The following TCAIM variants were observed in gnomAD, a reference collection of about 807,000 sequenced individuals.
TCAIM encodes the protein T-cell activation inhibitor, mitochondrial.
In TCAIM, 36 loss-of-function variants were observed where a neutral mutation model predicts 58.6. The ratio of observed to expected loss-of-function variants is 0.61; its 90% CI spans 0.47 to 0.81. TCAIM has a LOEUF of 0.81. TCAIM is among the 30% of genes least tolerant of loss of function. The probability of loss-of-function intolerance (pLI) is 0.00; values close to 1 mark genes in which losing one functional copy is unlikely to be tolerated. For missense variants in TCAIM, 466 were observed against 579.6 expected (o/e 0.80, Z 2.01); for synonymous variants, 172 against 193.6 (o/e 0.89, Z 0.93).
rs920722034 is a variant in TCAIM at position 44,367,568 on chromosome 3, T to C, written c.432T>C (p.Asn144=). 1 of 1,614,016 alleles carries C rather than the reference T, an allele frequency of 6.2e-7. No homozygotes were observed. ...AACATATCCAAAGCTTGAATACTAA[T>C]ATGCATACCCAGCCTCTCAAAGAAG... ...SVEHIQSLNT[N]MHTQPLKEAK... is the part of the protein sequence containing the mutation. The change falls in exon 5 of 11, where the codon AAT becomes AAC. Residue 144 remains asparagine, a synonymous_variant. Transcript: ENST00000342649.
intron 3 of TCAIM, chr3:44,359,763 C>T (rs13575): frequency 0.47 from 72,151 of 152,028 alleles, 18,733 homozygotes; most frequent in East Asian, 0.81. Flanking sequence ...TTTTAATCTC[C>T]ATTCTTTTGT....
At chr3:44,401,121 C>T in intron 9 of TCAIM, 82 bp from the exon 10 acceptor site, 2 of 1,524,416 alleles carry the variant, frequency 1.3e-6, no homozygotes, top group Middle Eastern at 1.8e-4. Flanking sequence ...TTTTTATTTT[C>T]CTGAAGACTA....
At chr3:44,339,506 C>G (rs1305750763) in intron 1 of TCAIM, among the ~76,000 whole-genome samples, 1 of 152,164 alleles carries the variant, frequency 6.6e-6, no homozygotes, top group African/African-American at 2.4e-5. Flanking sequence ...AGGTATCTTT[C>G]CACCAAATTT....
chr3:44,369,509 T>C (rs750208205), intron 5 of TCAIM, among the ~76,000 whole-genome samples: 11 of 152,210 alleles, frequency 7.2e-5, no homozygotes, highest in Non-Finnish European at 1.6e-4. Context: ...GCAGCCATCA[T>C]GAAAAGAGTG....
chr3:44,346,277 C>A (rs957458925), intron 1 of TCAIM, among the ~76,000 whole-genome samples: 1 of 152,102 alleles, frequency 6.6e-6, no homozygotes, highest in African/African-American at 2.4e-5. Flanking sequence ...AAAGGCTGGT[C>A]CATTATCGGA....
chr3:44,342,981 A>T (rs1293106816), intron 1 of TCAIM, among the ~76,000 whole-genome samples: 1 of 152,032 alleles, frequency 6.6e-6, no homozygotes, highest in Non-Finnish European at 1.5e-5. Flanking sequence ...TACTAAAAAT[A>T]CAAAAATTCG....
upstream of TCAIM, chr3:44,338,415 G>C (rs1700764298): frequency 6.6e-6 from 1 of 152,344 alleles, no homozygotes; most frequent in African/African-American, 2.4e-5. Context: ...ACCGCGGAAG[G>C]TTGAATCCAC....
chr3:44,350,027 T>C (rs1701055079), intron 1 of TCAIM, among the ~76,000 whole-genome samples: 1 of 152,118 alleles, frequency 6.6e-6, no homozygotes, highest in Non-Finnish European at 1.5e-5. Flanking sequence ...TAGCACCAAA[T>C]GTCATGTGCG....
Position 44,357,840 on chromosome 3 carries a change from A to G in TCAIM, c.129A>G (p.Val43=), listed in dbSNP as rs1396602274. ...CCTTGAGGCCTTTCTATTTTGCAGT[A>G]CATCCAGATTTCTTTGGACAGCACC... ...VNALRPFYFA[V]HPDFFGQHPV... The change falls in exon 3 of 11, where the codon GTA becomes GTG. Residue 43 remains valine, a synonymous_variant. Coordinates refer to ENST00000342649, the MANE Select transcript of TCAIM (RefSeq NM_173826.4). 6.2e-7 allele frequency: 1 copy of G among 1,614,054 alleles called. No individual in the cohort carries two copies. The highest frequency in any genetic ancestry group is 1.3e-5 in the African/African-American group (1 of 74,944).
intron 1 of TCAIM, 80 bp from the exon 2 acceptor site, chr3:44,354,659 T>G: frequency 1.1e-6 from 1 of 910,754 alleles, no homozygotes; most frequent in Non-Finnish European, 1.7e-6. Flanking sequence ...TTTCATATTT[T>G]GGGGTGATAA....
At chr3:44,405,951 CAAA>C (rs10579882) in intron 10 of TCAIM, among the ~76,000 whole-genome samples, 173 of 112,990 alleles carry the variant, frequency 1.5e-3, no homozygotes, top group African/African-American at 5.1e-3. Flanking sequence ...GACTCCATCT[CAAA>C]AAAAAAAAAA....
intron 5 of TCAIM, among the ~76,000 whole-genome samples, chr3:44,379,928 A>G (rs947401973): frequency 1.4e-4 from 22 of 152,138 alleles, no homozygotes; most frequent in African/African-American, 4.3e-4. Context: ...ATCAGGAACA[A>G]TAACTATCAG....
chr3:44,407,819 TA>T lies in TCAIM; in HGVS notation c.*144del, dbSNP rs1310289395. 1 of 991,622 alleles carries T rather than the reference TA, an allele frequency of 1.0e-6. No homozygotes were observed. The highest frequency in any genetic ancestry group is 1.4e-6 in the Non-Finnish European group (1 of 717,622). The allele number at this position is 991,622 out of a possible 1,614,324, so 61.4% of individuals were successfully genotyped here. A position where few individuals can be genotyped will look rare whatever the true frequency, so the allele number is the denominator to read the frequency against. The stretch of plus-strand genomic sequence containing the variant: ...CTGCTGCTTTAAAAGTAGACTTTTT[TA>T]AAAAAATTAATTTCTGCTAGGAGAG... On this transcript the variant is annotated 3_prime_UTR_variant, in exon 11 of 11. Transcript: ENST00000342649.
chr3:44,385,543 C>T (rs1008208100), intron 5 of TCAIM, among the ~76,000 whole-genome samples: 7 of 151,484 alleles, frequency 4.6e-5, no homozygotes, highest in African/African-American at 9.7e-5. Context: ...AGATTGAGAC[C>T]GTCCTGGCTA....
intron 1 of TCAIM, among the ~76,000 whole-genome samples, chr3:44,348,573 G>T (rs1190927755): frequency 6.6e-6 from 1 of 152,128 alleles, no homozygotes; most frequent in Non-Finnish European, 1.5e-5. Context: ...TGTGGCTGGG[G>T]TTTCTCTCAC....
At chr3:44,338,505 C>G (rs1416919331), upstream of TCAIM, 1 of 152,538 alleles carries the variant, frequency 6.6e-6, no homozygotes, top group Non-Finnish European at 1.5e-5. Context: ...AGCTCGTCCC[C>G]CTGCCCGGGC....
At chr3:44,378,850 G>C (rs1335171220) in intron 5 of TCAIM, among the ~76,000 whole-genome samples, 1 of 151,182 alleles carries the variant, frequency 6.6e-6, no homozygotes, top group Non-Finnish European at 1.5e-5. Context: ...CCTCATACCA[G>C]TTAGAATGGC....
rs747663433 is a variant in TCAIM, at chr3:44,338,804, A to C, written c.-75A>C. 6.6e-6 allele frequency: 1 copy of C among 152,304 alleles called. No individual in the cohort carries two copies. The highest frequency in any genetic ancestry group is 1.5e-5 in the Non-Finnish European group (1 of 68,120). The allele number at this position is 152,304 out of a possible 1,614,324, so 9.4% of individuals were successfully genotyped here. On this transcript the variant is annotated 5_prime_UTR_variant, in exon 1 of 11. Transcript: ENST00000342649. ...GGGTGGGAGGTGGAACTAGTCGGAC[A>C]AAGCCCTCGCGTCGGACCCTTGCCA...
At chr3:44,395,491 C>T (rs1701919274) in intron 6 of TCAIM, among the ~76,000 whole-genome samples, 1 of 152,186 alleles carries the variant, frequency 6.6e-6, no homozygotes, top group East Asian at 1.9e-4. Context: ...TGTTCAAGGT[C>T]ACAGAGCTAG....
Sources: allele counts gnomAD v4.1 joint callset (sites outside exome capture counted in the v4.1 genomes callset), GRCh38; gene constraint gnomAD v4.1.1; transcripts MANE v1.5; gene names NCBI Gene and HGNC (gene_info 2026-07-23, HGNC 2026-07-21).